The following CHRM3 variants were observed in gnomAD, a reference collection of about 807,000 sequenced individuals.
CHRM3 encodes the protein cholinergic receptor muscarinic 3, also known as muscarinic acetylcholine receptor M3.
CHRM3 carries 11 observed loss-of-function variants against 41.8 expected under a neutral mutation model. The observed-to-expected ratio is 0.26, with a 90% CI of 0.17 to 0.44. CHRM3 has a LOEUF of 0.44. CHRM3 is among the 20% of genes least tolerant of loss of function. The probability of loss-of-function intolerance (pLI) is 1.00; values close to 1 mark genes in which losing one functional copy is unlikely to be tolerated. For missense variants in CHRM3, 571 were observed against 745.4 expected (o/e 0.77, Z 2.72); for synonymous variants, 297 against 301.4 (o/e 0.99, Z 0.15).
intron 3 of CHRM3, among the ~76,000 whole-genome samples, chr1:239,566,508 G>T (rs547001095): frequency 6.6e-6 from 1 of 152,156 alleles, no homozygotes; most frequent in South Asian, 2.1e-4. Flanking sequence ...TATCAGAGTT[G>T]TTCAGCTTTC....
chr1:239,629,215 C>T (rs1162740299), intron 3 of CHRM3: 2 of 144,116 alleles, frequency 1.4e-5, no homozygotes, highest in East Asian at 2.1e-4. Flanking sequence ...TGCGCCGTTT[C>T]TTAAGCTGGT....
At chr1:239,565,000 T>G (rs1661217376) in intron 3 of CHRM3, among the ~76,000 whole-genome samples, 1 of 152,130 alleles carries the variant, frequency 6.6e-6, no homozygotes, top group Non-Finnish European at 1.5e-5. Context: ...CCTTGCCTCT[T>G]CCCGCTTCTG....
chr1:239,679,028 G>GATAGATAC (rs1658291962), intron 5 of CHRM3, among the ~76,000 whole-genome samples: 1 of 2,714 alleles, frequency 3.7e-4, no homozygotes, highest in Non-Finnish European at 1.0e-3. Context: ...TAGATAGATG[G>GATAGATAC]ATAGATAGAT....
intron 5 of CHRM3, among the ~76,000 whole-genome samples, chr1:239,758,700 C>A (rs189228756): frequency 1.2e-3 from 190 of 152,250 alleles, no homozygotes; most frequent in South Asian, 3.7e-3. Flanking sequence ...AGCAATTTTT[C>A]AAAGGAAAGG....
Position 239,535,476 on chromosome 1 carries a change from G to A in CHRM3, c.-421-10165G>A, listed in dbSNP as rs564469868. Among the ~76,000 whole-genome samples the A allele has an allele frequency of 4.1e-5, 6 of 148,098 alleles. 1 individual carries two copies. The highest frequency in any genetic ancestry group is 1.5e-4 in the African/African-American group (6 of 39,942). On this transcript the variant is annotated intron_variant, in intron 2 of 6. Coordinates refer to ENST00000676153, the MANE Select transcript of CHRM3 (RefSeq NM_001375978.1). ...GATGCCTTTATTTCCTATCTAGTATGTTTTCAGTCCTTTCTATTTCCCTTT... is the reference window on the plus strand; with the variant it reads ...GATGCCTTTATTTCCTATCTAGTATATTTTCAGTCCTTTCTATTTCCCTTT...
intron 3 of CHRM3, among the ~76,000 whole-genome samples, chr1:239,577,183 C>A (rs773466251): frequency 6.6e-6 from 1 of 152,048 alleles, no homozygotes; most frequent in Non-Finnish European, 1.5e-5. Context: ...CTACTATTTT[C>A]TTTCTCTTCC....
intron 6 of CHRM3, among the ~76,000 whole-genome samples, chr1:239,846,792 A>G (rs930926235): frequency 7.2e-5 from 11 of 152,184 alleles, no homozygotes; most frequent in African/African-American, 2.7e-4. Flanking sequence ...TTACGTTACT[A>G]TGTGACTATA....
At chr1:239,413,690 C>G (rs958199140) in intron 1 of CHRM3, among the ~76,000 whole-genome samples, 20 of 152,146 alleles carry the variant, frequency 1.3e-4, no homozygotes, top group Non-Finnish European at 2.8e-4. Context: ...ACGAAGAACT[C>G]ACTTATCTGG....
chr1:239,813,351 A>G (rs955081870), intron 5 of CHRM3, among the ~76,000 whole-genome samples: 1 of 152,234 alleles, frequency 6.6e-6, no homozygotes. Flanking sequence ...GATGCAAGTC[A>G]GTATATTAAT....
At chr1:239,771,411 G>A (rs149585184) in intron 5 of CHRM3, among the ~76,000 whole-genome samples, 226 of 151,858 alleles carry the variant, frequency 1.5e-3, no homozygotes, top group African/African-American at 4.6e-3. Context: ...CTGGATTCCC[G>A]CCAAAAAAGA....
chr1:239,728,641 G>T (rs1417539973), intron 5 of CHRM3, among the ~76,000 whole-genome samples: 2 of 151,980 alleles, frequency 1.3e-5, no homozygotes, highest in African/African-American at 4.8e-5. Context: ...GTAGCTGAAG[G>T]TGGTGGAGTT....
At chr1:239,825,724 T>C (rs1329818444) in intron 5 of CHRM3, among the ~76,000 whole-genome samples, 3 of 152,186 alleles carry the variant, frequency 2.0e-5, no homozygotes, top group Non-Finnish European at 4.4e-5. Context: ...TTTTATTTTT[T>C]TTTATTTGGA....
At position 239,537,099 on chromosome 1, in the gene CHRM3, T is replaced by TA. The variant is rs1051141249; in HGVS notation, c.-421-8533dup. Among the ~76,000 whole-genome samples, 136 of 151,388 alleles carry TA rather than the reference T, an allele frequency of 9.0e-4. 2 individuals are homozygous for TA. Among genetic ancestry groups the TA allele is most frequent in the Middle Eastern group, 6.8e-3 (2 of 292 alleles). On this transcript the variant is annotated intron_variant, in intron 2 of 6. Transcript: ENST00000676153. ...GATTGCCAATTTCTCTGCAGTTTCT[T>TA]AAAAAAAAATACCCCTTTAACTGAT...
At chr1:239,482,096 A>G (rs1325161634) in intron 1 of CHRM3, among the ~76,000 whole-genome samples, 4 of 151,942 alleles carry the variant, frequency 2.6e-5, no homozygotes, top group African/African-American at 9.7e-5. Flanking sequence ...ATTCTCCCAG[A>G]CACCTCACCT....
At chr1:239,842,329 G>A (rs754981051) in intron 6 of CHRM3, among the ~76,000 whole-genome samples, 53 of 151,740 alleles carry the variant, frequency 3.5e-4, no homozygotes, top group African/African-American at 5.3e-4. Flanking sequence ...TCCGCCTCCC[G>A]GTTCAAGTGA....
chr1:239,737,037 A>G (rs1226860612), intron 5 of CHRM3, among the ~76,000 whole-genome samples: 1 of 152,146 alleles, frequency 6.6e-6, no homozygotes, highest in Non-Finnish European at 1.5e-5. Context: ...GGACTTTTCT[A>G]TCCCCAAAAT....
intron 2 of CHRM3, among the ~76,000 whole-genome samples, chr1:239,501,093 T>A (rs1668213010): frequency 6.6e-6 from 1 of 152,174 alleles, no homozygotes; most frequent in African/African-American, 2.4e-5. Flanking sequence ...CCTAAACATA[T>A]GTGCACCTAA....
intron 5 of CHRM3, among the ~76,000 whole-genome samples, chr1:239,717,978 G>C (rs1449337611): frequency 1.3e-5 from 2 of 152,040 alleles, no homozygotes; most frequent in Non-Finnish European, 2.9e-5. Flanking sequence ...ACATGATTTT[G>C]TTTACTGACA....
chr1:239,751,489 A>G (rs1017164718), intron 5 of CHRM3, among the ~76,000 whole-genome samples: 1 of 152,222 alleles, frequency 6.6e-6, no homozygotes, highest in Non-Finnish European at 1.5e-5. Flanking sequence ...AGTCTTCTCC[A>G]ACTGACTTAT....
Sources: allele counts gnomAD v4.1 joint callset (sites outside exome capture counted in the v4.1 genomes callset), GRCh38; gene constraint gnomAD v4.1.1; transcripts MANE v1.5; gene names NCBI Gene and HGNC (gene_info 2026-07-23, HGNC 2026-07-21).